Variants in RAB30 observed in about 807,000 individuals in gnomAD.
The protein encoded by RAB30 is ras-related protein Rab-30.
Under a neutral mutation model 25.1 loss-of-function variants are expected in RAB30, and 9 were observed. The ratio of observed to expected loss-of-function variants is 0.36; its 90% CI spans 0.22 to 0.63. The LOEUF is 0.63. Ranked by LOEUF, RAB30 falls within the 20% of genes least tolerant of loss-of-function variation. The probability of loss-of-function intolerance (pLI) is 0.69; values close to 1 mark genes in which losing one functional copy is unlikely to be tolerated. For synonymous variants in RAB30, 77 were observed against 86.4 expected, an observed-to-expected ratio of 0.89 and a Z score of 0.60; for missense variants, 140 against 243.5, an observed-to-expected ratio of 0.58 and a Z score of 2.83.
rs1046726932 is a variant in RAB30, at chr11:82,973,887, A to G, written c.*8278T>C. ...CATCAAATGATAAATGGACAAATAAAATGTGGCATATACATGCAATGGAAT... is the reference window on the plus strand; with the variant it reads ...CATCAAATGATAAATGGACAAATAAGATGTGGCATATACATGCAATGGAAT... On this transcript the variant is annotated 3_prime_UTR_variant, in exon 5 of 5. Transcript: ENST00000527633. The G allele has an allele frequency of 2.6e-5, 4 of 152,262 alleles. No homozygotes were observed. The highest frequency in any genetic ancestry group is 5.9e-5 in the Non-Finnish European group (4 of 68,042). The allele number at this position is 152,262 out of a possible 1,614,324, so 9.4% of individuals were successfully genotyped here.
chr11:83,049,175 G>A (rs1858297955), intron 1 of RAB30, among the ~76,000 whole-genome samples: 1 of 152,142 alleles, frequency 6.6e-6, no homozygotes, highest in Admixed American at 6.5e-5. Context: ...ACTTTGGGAG[G>A]CCAAGGCAGG....
chr11:83,000,890 AC>A (rs1210229450), intron 1 of RAB30, among the ~76,000 whole-genome samples: 1 of 149,818 alleles, frequency 6.7e-6, no homozygotes, highest in Non-Finnish European at 1.5e-5. Context: ...AAAAAAAAAT[AC>A]AAAAAATTAG....
At chr11:83,028,857 C>T (rs773916054) in intron 1 of RAB30, among the ~76,000 whole-genome samples, 8 of 152,096 alleles carry the variant, frequency 5.3e-5, no homozygotes, top group South Asian at 4.1e-4. Context: ...ACCAACATGG[C>T]GAGACCCTAT....
At chr11:83,000,567 C>G (rs1239072167) in intron 1 of RAB30, among the ~76,000 whole-genome samples, 1 of 152,352 alleles carries the variant, frequency 6.6e-6, no homozygotes, top group African/African-American at 2.4e-5. Flanking sequence ...ACAGGAAACA[C>G]AGGACTGGAC....
intron 1 of RAB30, chr11:83,040,711 A>G (rs1858090576): frequency 6.6e-6 from 1 of 152,668 alleles, no homozygotes; most frequent in Non-Finnish European, 1.5e-5. Context: ...TAAGTTCTAT[A>G]CAGTTAAAAA....
rs1281303081 is a variant in RAB30 at position 82,978,222 on chromosome 11, T to A, written c.*3943A>T. ...AAACAACAACAACAACAACAAAAAATTTTGGAAAAAAAGGAATGGCAAACT... is the reference window on the plus strand; with the variant it reads ...AAACAACAACAACAACAACAAAAAAATTTGGAAAAAAAGGAATGGCAAACT... On this transcript the variant is annotated 3_prime_UTR_variant, in exon 5 of 5. Transcript: ENST00000527633. 6.6e-6 allele frequency: 1 copy of A among 151,970 alleles called. No individual in the cohort carries two copies. The highest frequency in any genetic ancestry group is 1.5e-5 in the Non-Finnish European group (1 of 67,980). 9.4% of individuals were successfully genotyped at this position (151,970 alleles called of 1,614,324 possible).
chr11:83,035,651 T>TA (rs1473653200), intron 1 of RAB30: 4 of 152,268 alleles, frequency 2.6e-5, no homozygotes, highest in African/African-American at 9.6e-5. Flanking sequence ...GATGACTGTC[T>TA]AGACACAGCA....
intron 1 of RAB30, among the ~76,000 whole-genome samples, chr11:83,004,462 A>T (rs1407279846): frequency 6.6e-6 from 1 of 152,212 alleles, no homozygotes; most frequent in Non-Finnish European, 1.5e-5. Context: ...GCATAACACC[A>T]TGCTTGCCCA....
chr11:83,044,349 T>C (rs1370772054), intron 1 of RAB30, among the ~76,000 whole-genome samples: 1 of 152,250 alleles, frequency 6.6e-6, no homozygotes, highest in Non-Finnish European at 1.5e-5. Flanking sequence ...TAACGCTGTA[T>C]ATTGACTTAT....
At chr11:83,060,261 A>G (rs551163974) in intron 1 of RAB30, 4 of 152,260 alleles carry the variant, frequency 2.6e-5, no homozygotes, top group African/African-American at 7.2e-5. Context: ...CTAATCTATC[A>G]TATGATAAAT....
intron 1 of RAB30, among the ~76,000 whole-genome samples, chr11:83,054,803 G>T (rs141975618): frequency 5.7e-4 from 86 of 152,212 alleles, no homozygotes; most frequent in African/African-American, 1.9e-3. Flanking sequence ...GGAGGTTAAG[G>T]CTGCAGTGAG....
intron 1 of RAB30, among the ~76,000 whole-genome samples, chr11:83,047,640 T>C (rs971708534): frequency 1.3e-5 from 2 of 152,210 alleles, no homozygotes; most frequent in East Asian, 1.9e-4. Flanking sequence ...CTGCCTCGAC[T>C]CTTGACCACA....
chr11:83,015,276 C>T (rs1200953141), intron 1 of RAB30, among the ~76,000 whole-genome samples: 1 of 151,938 alleles, frequency 6.6e-6, no homozygotes, highest in Non-Finnish European at 1.5e-5. Context: ...ATGGCTTGGA[C>T]CAGGGTGCTG....
chr11:83,037,923 G>A (rs772689428), intron 1 of RAB30, among the ~76,000 whole-genome samples: 4 of 152,244 alleles, frequency 2.6e-5, no homozygotes, highest in Admixed American at 1.3e-4. Flanking sequence ...TGGGACCAAC[G>A]TGCGGAAGAC....
chr11:83,021,295 A>T (rs1451064046), intron 1 of RAB30, among the ~76,000 whole-genome samples: 2 of 152,206 alleles, frequency 1.3e-5, no homozygotes, highest in Non-Finnish European at 2.9e-5. Context: ...CTTGCTCACC[A>T]GGTTATGAGT....
chr11:83,019,085 G>A (rs1032203008), intron 1 of RAB30, among the ~76,000 whole-genome samples: 10 of 152,198 alleles, frequency 6.6e-5, no homozygotes, highest in African/African-American at 2.4e-4. Context: ...GGAATGCAGT[G>A]GCATGATCTC....
intron 1 of RAB30, among the ~76,000 whole-genome samples, chr11:83,006,568 A>G (rs1359273333): frequency 6.6e-6 from 1 of 152,238 alleles, no homozygotes; most frequent in East Asian, 1.9e-4. Flanking sequence ...AGCTCTTTCT[A>G]GGAAAGAAGA....
At chr11:83,000,971 C>T (rs1158473137) in intron 1 of RAB30, among the ~76,000 whole-genome samples, 1 of 136,630 alleles carries the variant, frequency 7.3e-6, no homozygotes, top group Admixed American at 8.5e-5. Context: ...GGCGTGAACC[C>T]AGAAGGCAGA....
intron 1 of RAB30, among the ~76,000 whole-genome samples, chr11:83,025,844 A>C (rs1857698821): frequency 6.6e-6 from 1 of 152,216 alleles, no homozygotes; most frequent in African/African-American, 2.4e-5. Context: ...TTTCCAGGCA[A>C]ATAAAATATA....
Sources: gnomAD v4.1 joint callset for allele counts (sites outside exome capture counted in the v4.1 genomes callset) on GRCh38, gnomAD v4.1.1 for gene constraint, MANE v1.5 for transcripts, NCBI Gene and HGNC (gene_info 2026-07-23, HGNC 2026-07-21) for gene names.